SPCS3: variants seen among roughly 807,000 people sequenced by gnomAD.
The protein encoded by SPCS3 is SPase 22 kDa subunit.
SPCS3 carries 9 observed loss-of-function variants against 17.2 expected under a neutral mutation model. The observed-to-expected ratio is 0.52, with a 90% CI of 0.31 to 0.91. The LOEUF (loss-of-function observed/expected upper bound fraction) is 0.91. SPCS3 is among the 40% of genes least tolerant of loss of function. SPCS3 has a pLI of 0.04. For synonymous variants in SPCS3, 87 were observed against 89.6 expected, an observed-to-expected ratio of 0.97 and a Z score of 0.16; for missense variants, 139 against 217.5, an observed-to-expected ratio of 0.64 and a Z score of 2.27.
chr4:176,327,897 G>A (rs1245831666), intron 4 of SPCS3, among the ~76,000 whole-genome samples: 3 of 152,166 alleles, frequency 2.0e-5, no homozygotes, highest in Non-Finnish European at 2.9e-5. Context: ...TTCTTAGCTC[G>A]TCTCTTTTTA....
chr4:176,320,276 G>C, intron 1 of SPCS3, 57 bp downstream of exon 1: 1 of 1,320,410 alleles, frequency 7.6e-7, no homozygotes, highest in Non-Finnish European at 9.7e-7. Flanking sequence ...GGCGGAAGCC[G>C]AAGCCGGGCC....
At chr4:176,323,775 A>G (rs1249305186) in intron 2 of SPCS3, among the ~76,000 whole-genome samples, 4 of 151,754 alleles carry the variant, frequency 2.6e-5, no homozygotes, top group African/African-American at 9.7e-5. Flanking sequence ...ATATTGTTAA[A>G]TTTAAATGGT....
At chr4:176,324,341 A>G in intron 3 of SPCS3, 84 bp downstream of exon 3, 1 of 647,606 alleles carries the variant, frequency 1.5e-6, no homozygotes, top group South Asian at 3.5e-5. Context: ...ATATATTTAA[A>G]ATATCTGACC....
Position 176,329,656 on chromosome 4 carries a change from C to T in SPCS3, c.*1326C>T, listed in dbSNP as rs969816253. 2.0e-5 allele frequency: 3 copies of T among 151,814 alleles called. No homozygotes were observed. The highest frequency in any genetic ancestry group is 4.4e-5 in the Non-Finnish European group (3 of 67,932). The allele number at this position is 151,814 out of a possible 1,614,324, so 9.4% of individuals were successfully genotyped here. On this transcript the variant is annotated 3_prime_UTR_variant, in exon 5 of 5. Transcript: ENST00000503362. ...GTAAAAATAACTTAGAAATTCAGTACATAATACATGATTGAATACATGATC... is the reference window on the plus strand; with the variant it reads ...GTAAAAATAACTTAGAAATTCAGTATATAATACATGATTGAATACATGATC...
At chr4:176,325,065 T>TG (rs1560837910) in intron 3 of SPCS3, among the ~76,000 whole-genome samples, 2 of 150,382 alleles carry the variant, frequency 1.3e-5, no homozygotes, top group African/African-American at 2.5e-5. Context: ...TTTTTTTTTT[T>TG]TTTAAGACAG....
rs1298758285 is a variant in SPCS3 at position 176,330,299 on chromosome 4, G to C, written c.*1969G>C. ...AGACATGGAAACTTAAAATGTGCAG[G>C]TGTCAAAGCTTAAAAATCAGGTGTG... On this transcript the variant is annotated 3_prime_UTR_variant, in exon 5 of 5. Transcript: ENST00000503362. 1.3e-5 allele frequency: 2 copies of C among 152,166 alleles called. No individual in the cohort carries two copies. Among genetic ancestry groups the C allele is most frequent in the African/African-American group, 2.4e-5 (1 of 41,444 alleles). 9.4% of individuals were successfully genotyped at this position (152,166 alleles called of 1,614,324 possible).
At chr4:176,326,402 A>G (rs111385104) in intron 3 of SPCS3, among the ~76,000 whole-genome samples, 8 of 152,334 alleles carry the variant, frequency 5.3e-5, no homozygotes, top group African/African-American at 1.9e-4. Flanking sequence ...TGCTAACTTA[A>G]TAAGAGCAAA....
chr4:176,320,384 G>C, intron 1 of SPCS3, 165 bp downstream of exon 1: 1 of 463,336 alleles, frequency 2.2e-6, no homozygotes, highest in Non-Finnish European at 3.3e-6. Flanking sequence ...AGGGGTGGAC[G>C]TCGCAGGCTT....
chr4:176,325,929 G>A (rs1731600744), intron 3 of SPCS3, among the ~76,000 whole-genome samples: 3 of 151,946 alleles, frequency 2.0e-5, no homozygotes. Context: ...TAAACTAATA[G>A]TTTTAATAGG....
intron 1 of SPCS3, 92 bp from the exon 2 acceptor site, chr4:176,322,078 A>G (rs35890542): frequency 0.062 from 46,854 of 749,980 alleles, 1,777 homozygotes; most frequent in African/African-American, 0.091. Flanking sequence ...AGTTTCACCT[A>G]TGCACACACC....
At chr4:176,327,741 T>C (rs916451506) in intron 4 of SPCS3, among the ~76,000 whole-genome samples, 3 of 152,224 alleles carry the variant, frequency 2.0e-5, no homozygotes, top group Non-Finnish European at 4.4e-5. Flanking sequence ...ACTCTAGTGG[T>C]AAACATTGGA....
Position 176,328,336 on chromosome 4 carries a change from T to G in SPCS3, c.*6T>G. On this transcript the variant is annotated 3_prime_UTR_variant, in exon 5 of 5. Coordinates refer to ENST00000503362, the MANE Select transcript of SPCS3 (RefSeq NM_021928.4). ...AAATAACGAAGAGTTATTAAATTATTCTGAATTTGAAACAACATATTTTTA... is the reference window on the plus strand; with the variant it reads ...AAATAACGAAGAGTTATTAAATTATGCTGAATTTGAAACAACATATTTTTA... The G allele has an allele frequency of 1.3e-6, 2 of 1,576,416 alleles. No homozygotes were observed. Among genetic ancestry groups the G allele is most frequent in the Non-Finnish European group, 1.7e-6 (2 of 1,160,050 alleles).
In SPCS3 at chr4:176,327,206, T is replaced by C. The variant is rs746129830; in HGVS notation, c.339T>C (p.Gly113=). ...TATGGGACAAGATTGTTTTGAGAGG[T>C]GATAATCCGAAGCTGCTGCTGAAAG... ...VVLWDKIVLR[G]DNPKLLLKDM... is the part of the protein sequence containing the mutation. Residue 113 remains glycine (G), a synonymous_variant, in exon 4 of 5, where the codon GGT becomes GGC. Transcript: ENST00000503362. 15 of 1,599,022 alleles carry C rather than the reference T, an allele frequency of 9.4e-6. No homozygotes were observed. Among genetic ancestry groups the C allele is most frequent in the Non-Finnish European group, 1.3e-5 (15 of 1,173,232 alleles).
chr4:176,320,839 A>T (rs976112943), intron 1 of SPCS3: 2 of 152,246 alleles, frequency 1.3e-5, no homozygotes, highest in Admixed American at 6.5e-5. Flanking sequence ...GCACTGAGAG[A>T]ATTAAGCATC....
chr4:176,322,752 T>C (rs1731555073), intron 2 of SPCS3, among the ~76,000 whole-genome samples: 1 of 152,170 alleles, frequency 6.6e-6, no homozygotes, highest in Non-Finnish European at 1.5e-5. Flanking sequence ...TTATAAGGAC[T>C]TTTATAAAAG....
intron 3 of SPCS3, among the ~76,000 whole-genome samples, chr4:176,326,187 G>A (rs1377430860): frequency 6.6e-6 from 1 of 151,938 alleles, no homozygotes; most frequent in Non-Finnish European, 1.5e-5. Flanking sequence ...TGTAATCCTA[G>A]CTACTTGGGA....
At chr4:176,328,006 CCT>C (rs1277975774) in intron 4 of SPCS3, among the ~76,000 whole-genome samples, 190 bp from the exon 5 acceptor site, 3 of 152,088 alleles carry the variant, frequency 2.0e-5, no homozygotes, top group Non-Finnish European at 4.4e-5. Context: ...ATGTAGTGCC[CCT>C]GTCTTCTAGC....
Position 176,328,758 on chromosome 4 carries a change from A to G in SPCS3, c.*428A>G, listed in dbSNP as rs1731644115. ...TTCACATTGGATGTGATTTAAAAGT[A>G]GACATTCTCTTTTTCCTCTTTTAGG... On this transcript the variant is annotated 3_prime_UTR_variant, in exon 5 of 5. Coordinates refer to ENST00000503362, the MANE Select transcript of SPCS3 (RefSeq NM_021928.4). The G allele has an allele frequency of 2.0e-5, 3 of 152,242 alleles. No homozygotes were observed. The highest frequency in any genetic ancestry group is 1.3e-4 in the Admixed American group (2 of 15,280). 9.4% of individuals were successfully genotyped at this position (152,242 alleles called of 1,614,324 possible). A position where few individuals can be genotyped will look rare whatever the true frequency, so the allele number is the denominator to read the frequency against.
chr4:176,331,312 T>C lies in SPCS3; in HGVS notation c.*2982T>C, dbSNP rs1477400629. The stretch of plus-strand genomic sequence containing the variant: ...ATGGAGGTATTATTTTATAATACTT[T>C]GCATTGACATGAAGTGGGTTCATGG... On this transcript the variant is annotated 3_prime_UTR_variant, in exon 5 of 5. Transcript: ENST00000503362. The C allele has an allele frequency of 6.6e-6, 1 of 152,200 alleles. No homozygotes were observed. Among genetic ancestry groups the C allele is most frequent in the African/African-American group, 2.4e-5 (1 of 41,458 alleles). The allele number at this position is 152,200 out of a possible 1,614,324, so 9.4% of individuals were successfully genotyped here.
Sources: allele counts gnomAD v4.1 joint callset (sites outside exome capture counted in the v4.1 genomes callset), GRCh38; gene constraint gnomAD v4.1.1; transcripts MANE v1.5; gene names NCBI Gene and HGNC (gene_info 2026-07-23, HGNC 2026-07-21).